The following EDNRB variants were observed in gnomAD, a reference collection of about 807,000 sequenced individuals.
EDNRB encodes the protein Hirschsprung disease 2.
EDNRB carries 18 observed loss-of-function variants against 46.4 expected under a neutral mutation model. The observed-to-expected ratio is 0.39, with a 90% CI of 0.27 to 0.57. The LOEUF (loss-of-function observed/expected upper bound fraction) is 0.57. Ranked by LOEUF, EDNRB falls within the 20% of genes least tolerant of loss-of-function variation. EDNRB has a pLI of 0.61. For synonymous variants in EDNRB, 213 were observed against 204.9 expected (o/e 1.04, Z -0.34); for missense variants, 434 against 537.5 (o/e 0.81, Z 1.90).
intron 3 of EDNRB, among the ~76,000 whole-genome samples, chr13:77,902,221 G>A (rs1879030088): frequency 6.6e-6 from 1 of 152,022 alleles, no homozygotes; most frequent in African/African-American, 2.4e-5. Context: ...ATATTTGCTG[G>A]ACCATCCATT....
intron 1 of EDNRB, among the ~76,000 whole-genome samples, chr13:77,957,359 A>G (rs1566336956): frequency 6.6e-6 from 1 of 152,220 alleles, no homozygotes; most frequent in African/African-American, 2.4e-5. Context: ...TTCATTTAAT[A>G]TATTCATTAG....
intron 4 of EDNRB, 60 bp downstream of exon 4, chr13:77,900,998 A>G: frequency 6.3e-7 from 1 of 1,582,374 alleles, no homozygotes; most frequent in Non-Finnish European, 8.6e-7. Context: ...CATCATCATA[A>G]TTTTCATATT....
At position 77,964,739 on chromosome 13, in the gene EDNRB, G is replaced by A. The variant is rs142332584; in HGVS notation, c.-52+10608C>T. Among the ~76,000 whole-genome samples, 483 of 152,106 alleles carry A rather than the reference G, an allele frequency of 3.2e-3. 2 individuals carry two copies. Among genetic ancestry groups the A allele is most frequent in the African/African-American group, 0.011 (466 of 41,490 alleles). ...ACATGTATACATATGTAACAAACTT[G>A]CACGTTGTGCACATGTACCCTAGAA... On this transcript the variant is annotated intron_variant, in intron 1 of 7. Coordinates refer to the EDNRB transcript ENST00000646948.
chr13:77,919,318 C>A, upstream of EDNRB: 1 of 1,456,040 alleles, frequency 6.9e-7, no homozygotes, highest in Non-Finnish European at 9.3e-7. Flanking sequence ...TTTAAAATCC[C>A]AAACTAGTAA....
chr13:77,969,266 C>T (rs1881661936), intron 1 of EDNRB, among the ~76,000 whole-genome samples: 1 of 152,138 alleles, frequency 6.6e-6, no homozygotes, highest in South Asian at 2.1e-4. Context: ...AATTCTGTAA[C>T]CAGGTCTATG....
At chr13:77,936,578 T>C (rs1187058185) in intron 1 of EDNRB, among the ~76,000 whole-genome samples, 1 of 152,180 alleles carries the variant, frequency 6.6e-6, no homozygotes, top group Non-Finnish European at 1.5e-5. Context: ...AATCAGGCAG[T>C]GTCAGTCTTC....
At chr13:77,900,031 G>T in intron 5 of EDNRB, 64 bp from the exon 6 acceptor site, 1 of 1,392,618 alleles carries the variant, frequency 7.2e-7, no homozygotes, top group Non-Finnish European at 1.0e-6. Flanking sequence ...AGTCATTGTA[G>T]CTTCTGTGCT....
chr13:77,910,050 CAG>C (rs967449635), intron 1 of EDNRB, among the ~76,000 whole-genome samples: 1 of 151,976 alleles, frequency 6.6e-6, no homozygotes, highest in African/African-American at 2.4e-5. Context: ...TGATACAAAA[CAG>C]AACCTACTGT....
Position 77,896,788 on chromosome 13 carries a change from GT to G in EDNRB, c.*1411del. 1 of 1,286,624 alleles carries G rather than the reference GT, an allele frequency of 7.8e-7. No homozygotes were observed. Among genetic ancestry groups the G allele is most frequent in the Non-Finnish European group, 9.9e-7 (1 of 1,015,078 alleles). 79.7% of individuals were successfully genotyped at this position (1,286,624 alleles called of 1,614,324 possible). The stretch of plus-strand genomic sequence containing the variant: ...CCCCACCTCATTTCCTCTCTCTTCC[GT>G]TTTCTCTTGTACATACTTTCACACA... On this transcript the variant is annotated 3_prime_UTR_variant, in exon 7 of 7. Transcript: ENST00000646607.
intron 1 of EDNRB, among the ~76,000 whole-genome samples, chr13:77,931,308 A>G (rs1297423267): frequency 1.3e-5 from 2 of 152,206 alleles, no homozygotes; most frequent in African/African-American, 4.8e-5. Flanking sequence ...AAATTTCACA[A>G]GTTTTCTATA....
At chr13:77,937,247 G>A (rs543330630) in intron 1 of EDNRB, among the ~76,000 whole-genome samples, 2 of 152,302 alleles carry the variant, frequency 1.3e-5, no homozygotes, top group African/African-American at 4.8e-5. Context: ...AAACTAGGCA[G>A]GAAATCATGT....
chr13:77,933,294 G>A (rs918736363), intron 1 of EDNRB, among the ~76,000 whole-genome samples: 1 of 152,210 alleles, frequency 6.6e-6, no homozygotes, highest in East Asian at 1.9e-4. Flanking sequence ...TCACCTGGGT[G>A]CAGGCAGGCT....
At chr13:77,945,622 G>C (rs1398418063) in intron 1 of EDNRB, among the ~76,000 whole-genome samples, 1 of 152,140 alleles carries the variant, frequency 6.6e-6, no homozygotes, top group Non-Finnish European at 1.5e-5. Flanking sequence ...TTGTAGCTGA[G>C]AGGGCTGCAG....
intron 1 of EDNRB, among the ~76,000 whole-genome samples, chr13:77,934,120 G>A (rs1880482348): frequency 6.6e-6 from 1 of 152,314 alleles, no homozygotes; most frequent in African/African-American, 2.4e-5. Flanking sequence ...TAAACCATCA[G>A]TGTAATCAAG....
intron 1 of EDNRB, among the ~76,000 whole-genome samples, chr13:77,931,327 A>G (rs1389124328): frequency 1.3e-5 from 2 of 152,178 alleles, no homozygotes; most frequent in Non-Finnish European, 2.9e-5. Flanking sequence ...TAAGAAGTCA[A>G]GTATTTTTTT....
At chr13:77,920,680 A>G (rs185289075), upstream of EDNRB, among the ~76,000 whole-genome samples, 2 of 152,346 alleles carry the variant, frequency 1.3e-5, no homozygotes, top group Admixed American at 1.3e-4. Context: ...GGAATGAGAA[A>G]TATGGTCTAG....
At chr13:77,967,325 A>G (rs768265040) in intron 1 of EDNRB, among the ~76,000 whole-genome samples, 1 of 152,166 alleles carries the variant, frequency 6.6e-6, no homozygotes, top group Non-Finnish European at 1.5e-5. Context: ...ACATGACTCA[A>G]TGTTGGCCAA....
upstream of EDNRB, among the ~76,000 whole-genome samples, chr13:77,923,272 A>C (rs1213472262): frequency 6.6e-6 from 1 of 152,222 alleles, no homozygotes; most frequent in Non-Finnish European, 1.5e-5. Context: ...TTATAACTTA[A>C]GTAATTTTTA....
chr13:77,945,015 G>A (rs1056318699), intron 1 of EDNRB: 11 of 152,126 alleles, frequency 7.2e-5, no homozygotes, highest in African/African-American at 2.7e-4. Flanking sequence ...CTTGGAGGGG[G>A]TGTAGCTGTT....
Sources: allele counts gnomAD v4.1 joint callset (sites outside exome capture counted in the v4.1 genomes callset), GRCh38; gene constraint gnomAD v4.1.1; transcripts MANE v1.5; gene names NCBI Gene and HGNC (gene_info 2026-07-23, HGNC 2026-07-21).